The following ADGRF5 variants were observed in gnomAD, a reference collection of about 807,000 sequenced individuals.
ADGRF5 encodes G-protein coupled receptor 116.
ADGRF5 carries 75 observed loss-of-function variants against 132.3 expected under a neutral mutation model. The observed-to-expected ratio is 0.57, with a 90% CI of 0.47 to 0.69. ADGRF5 has a LOEUF of 0.69. Among genes scored for constraint, ADGRF5 ranks in the 30% least tolerant of loss-of-function variants. The probability of loss-of-function intolerance (pLI) is 0.00; values close to 1 mark genes in which losing one functional copy is unlikely to be tolerated. For missense variants in ADGRF5, 1,516 were observed against 1,630.6 expected (o/e 0.93, Z 1.21); for synonymous variants, 629 against 597.6 (o/e 1.05, Z -0.77).
Position 46,856,754 on chromosome 6 carries a change from C to T in ADGRF5, c.3840G>A (p.Lys1280=). 3 of 1,582,392 alleles carry T rather than the reference C, an allele frequency of 1.9e-6. No individual in the cohort carries two copies. The South Asian group carries it at 3.3e-5, about 18-fold the overall frequency. ...DLKVQEALLN[K]FSLSRWSSQH... Reference sequence around the variant, plus strand: ...GTGAAGACCATCTCGACAATGAAAACTTATTCAGCAAAGCTTCCTGTACCT... The same window carrying T: ...GTGAAGACCATCTCGACAATGAAAATTTATTCAGCAAAGCTTCCTGTACCT... The change falls in exon 19 of 21, where the codon AAG becomes AAA. Residue 1280 remains lysine (K), a synonymous_variant. Coordinates refer to ENST00000283296, the MANE Select transcript of ADGRF5 (RefSeq NM_001098518.2).
chr6:46,871,644 A>G (rs1165670504), intron 11 of ADGRF5, among the ~76,000 whole-genome samples, 199 bp downstream of exon 11: 3 of 152,042 alleles, frequency 2.0e-5, no homozygotes, highest in Non-Finnish European at 4.4e-5. Flanking sequence ...ACCATCCCCA[A>G]TTGTTAAAAG....
Position 46,895,350 on chromosome 6 carries a change from T to G in ADGRF5, c.157+4679A>C, listed in dbSNP as rs374873157. Reference sequence around the variant, plus strand: ...CACACCAGCCTGAAAGCACCAGGTCTTCTATCTCACTCCACCACCATCACT... The same window carrying G: ...CACACCAGCCTGAAAGCACCAGGTCGTCTATCTCACTCCACCACCATCACT... On this transcript the variant is annotated intron_variant, in intron 3 of 20. Coordinates refer to ENST00000283296, the MANE Select transcript of ADGRF5 (RefSeq NM_001098518.2). Among the ~76,000 whole-genome samples the G allele has an allele frequency of 5.3e-5, 8 of 151,834 alleles. No homozygotes were observed. In the East Asian group the frequency reaches 1.6e-3, roughly 30 times the overall value.
At chr6:46,878,505 T>C in intron 9 of ADGRF5, 100 bp from the exon 10 acceptor site, 1 of 733,154 alleles carries the variant, frequency 1.4e-6, no homozygotes, top group South Asian at 1.8e-5. Context: ...CTTCATGAAG[T>C]ATCATTTTCA....
intron 10 of ADGRF5, among the ~76,000 whole-genome samples, chr6:46,877,292 T>TTTCTTC (rs761032111): frequency 2.2e-5 from 1 of 45,302 alleles, no homozygotes; most frequent in Non-Finnish European, 4.7e-5. Flanking sequence ...TCTTTCTTTC[T>TTTCTTC]CTCTCTCTCT....
chr6:46,853,919 G>T lies in ADGRF5; in HGVS notation c.*73C>A. 9.5e-7 allele frequency: 1 copy of T among 1,055,168 alleles called. No individual in the cohort carries two copies. The highest frequency in any genetic ancestry group is 1.4e-6 in the Non-Finnish European group (1 of 703,460). 65.4% of individuals were successfully genotyped at this position (1,055,168 alleles called of 1,614,324 possible). A position where few individuals can be genotyped will look rare whatever the true frequency, so the allele number is the denominator to read the frequency against. On this transcript the variant is annotated 3_prime_UTR_variant, in exon 21 of 21. Coordinates refer to ENST00000283296, the MANE Select transcript of ADGRF5 (RefSeq NM_001098518.2). ...CTGCCCCGAGAACACGTTCCCCATTGCTTTGCAAGCATCTCTTTTTAAAAG... is the reference window on the plus strand; with the variant it reads ...CTGCCCCGAGAACACGTTCCCCATTTCTTTGCAAGCATCTCTTTTTAAAAG...
intron 3 of ADGRF5, among the ~76,000 whole-genome samples, chr6:46,895,365 C>T (rs1453366332): frequency 6.6e-6 from 1 of 151,828 alleles, no homozygotes; most frequent in Non-Finnish European, 1.5e-5. Flanking sequence ...TCTCACTCCA[C>T]CACCATCACT....
At chr6:46,942,946 G>C (rs1350116766) in intron 1 of ADGRF5, among the ~76,000 whole-genome samples, 6 of 152,100 alleles carry the variant, frequency 3.9e-5, no homozygotes, top group Non-Finnish European at 5.9e-5. Flanking sequence ...AATGGACCTA[G>C]TGCATATCAG....
At chr6:46,942,620 G>T (rs1186609681) in intron 1 of ADGRF5, among the ~76,000 whole-genome samples, 1 of 152,172 alleles carries the variant, frequency 6.6e-6, no homozygotes, top group Non-Finnish European at 1.5e-5. Context: ...TCCATGCTAG[G>T]AAGAAAATGG....
At chr6:46,938,876 ATTTT>A (rs34685701) in intron 1 of ADGRF5, among the ~76,000 whole-genome samples, 8,602 of 147,482 alleles carry the variant, frequency 0.058, 347 homozygotes, top group South Asian at 0.13. Flanking sequence ...TACTTTTCTG[ATTTT>A]TTTTTTTTTT....
At chr6:46,856,669 G>T in intron 19 of ADGRF5, 49 bp downstream of exon 19, 3 of 1,051,752 alleles carry the variant, frequency 2.9e-6, no homozygotes, top group South Asian at 1.4e-5. Context: ...AATGCTAGTG[G>T]AATACATGAT....
chr6:46,894,324 T>G (rs1052475389), intron 3 of ADGRF5, among the ~76,000 whole-genome samples: 4 of 152,192 alleles, frequency 2.6e-5, no homozygotes, highest in African/African-American at 9.7e-5. Context: ...TCAGAAAGAT[T>G]TGTTCACAAA....
intron 1 of ADGRF5, among the ~76,000 whole-genome samples, chr6:46,947,248 C>G (rs947939574): frequency 6.6e-6 from 1 of 152,186 alleles, no homozygotes; most frequent in Non-Finnish European, 1.5e-5. Context: ...TAGCCCTTCC[C>G]TAGGGACAGG....
intron 1 of ADGRF5, among the ~76,000 whole-genome samples, chr6:46,907,073 A>G (rs1192722238): frequency 6.6e-6 from 1 of 152,220 alleles, no homozygotes; most frequent in Non-Finnish European, 1.5e-5. Context: ...TAATTTATGA[A>G]CAAAAAGACT....
At chr6:46,927,334 A>T (rs1306910361) in intron 1 of ADGRF5, among the ~76,000 whole-genome samples, 1 of 151,988 alleles carries the variant, frequency 6.6e-6, no homozygotes, top group Admixed American at 6.6e-5. Context: ...AGAGCTAGTG[A>T]TCATTTGTTC....
At chr6:46,869,313 C>T (rs1479357211) in intron 11 of ADGRF5, 3 of 1,400,662 alleles carry the variant, frequency 2.1e-6, no homozygotes, top group Non-Finnish European at 2.8e-6. Flanking sequence ...GTACTCATTT[C>T]CATCACATGC....
intron 15 of ADGRF5, 54 bp downstream of exon 15, chr6:46,862,834 T>A: frequency 8.8e-7 from 1 of 1,141,834 alleles, no homozygotes; most frequent in Non-Finnish European, 1.3e-6. Flanking sequence ...AGAAATATGA[T>A]CAGCCAGATA....
intron 4 of ADGRF5, chr6:46,886,678 C>T (rs376995401): frequency 1.3e-4 from 20 of 152,234 alleles, no homozygotes; most frequent in African/African-American, 4.3e-4. Flanking sequence ...AAGAATGAGG[C>T]GAGGGAAGGA....
upstream of ADGRF5, among the ~76,000 whole-genome samples, chr6:46,925,191 G>A (rs1053210600): frequency 3.3e-5 from 5 of 152,120 alleles, no homozygotes; most frequent in African/African-American, 1.2e-4. Context: ...TGCAGACCAG[G>A]CAGTCTTGCA....
intron 2 of ADGRF5, among the ~76,000 whole-genome samples, chr6:46,900,726 T>A (rs991605150): frequency 2.0e-5 from 3 of 152,158 alleles, no homozygotes. Flanking sequence ...GCTTCAGGGT[T>A]TTTTTCCTGT....
Sources: gnomAD v4.1 joint callset for allele counts (sites outside exome capture counted in the v4.1 genomes callset) on GRCh38, gnomAD v4.1.1 for gene constraint, MANE v1.5 for transcripts, NCBI Gene and HGNC (gene_info 2026-07-23, HGNC 2026-07-21) for gene names.